Variants in CCDC39 observed in about 807,000 individuals in gnomAD.
The protein encoded by CCDC39 is coiled-coil domain-containing protein 39.
In CCDC39, 113 loss-of-function variants were observed where a neutral mutation model predicts 121.0. The observed-to-expected ratio is 0.93, with a 90% CI of 0.80 to 1.09. The LOEUF is 1.09. Among genes scored for constraint, CCDC39 ranks in the 50% least tolerant of loss-of-function variants. The probability of loss-of-function intolerance (pLI) is 0.00; values close to 1 mark genes in which losing one functional copy is unlikely to be tolerated. For missense variants in CCDC39, 1,063 were observed against 1,074.7 expected (o/e 0.99, Z 0.15); for synonymous variants, 349 against 352.2 (o/e 0.99, Z 0.10).
rs537284970 is a variant in CCDC39 at position 180,622,271 on chromosome 3, G to A, written c.1999-2301C>T. On this transcript the variant is annotated intron_variant, in intron 14 of 19. Transcript: ENST00000476379. Reference sequence around the variant, plus strand: ...TTTTTGTACCTTGATTTTGTATCCCGAAACTGCTGAATTCATTTATCCAAT... The same window carrying A: ...TTTTTGTACCTTGATTTTGTATCCCAAAACTGCTGAATTCATTTATCCAAT... 9.9e-5 allele frequency among the ~76,000 whole-genome samples: 15 copies of A among 152,046 alleles called. No individual in the cohort carries two copies. The East Asian group carries it at 1.7e-3, about 18-fold the overall frequency.
chr3:180,652,333 A>G (rs1711503308), intron 7 of CCDC39, 67 bp from the exon 8 acceptor site: 1 of 987,822 alleles, frequency 1.0e-6, no homozygotes, highest in Non-Finnish European at 1.4e-6. Context: ...TTCATTTCTG[A>G]GTTTTATTCT....
At chr3:180,623,306 A>G (rs1717477895) in intron 14 of CCDC39, among the ~76,000 whole-genome samples, 2 of 151,584 alleles carry the variant, frequency 1.3e-5, no homozygotes, top group Admixed American at 1.3e-4. Context: ...TTCAGTTGTA[A>G]TGTCTCCTTT....
At chr3:180,674,847 T>A (rs974678896) in intron 1 of CCDC39, among the ~76,000 whole-genome samples, 1 of 152,202 alleles carries the variant, frequency 6.6e-6, no homozygotes, top group Non-Finnish European at 1.5e-5. Context: ...TCATCGTGGA[T>A]AAGCTTTTCG....
chr3:180,649,711 TA>T (rs564644516), intron 9 of CCDC39, among the ~76,000 whole-genome samples: 6 of 148,302 alleles, frequency 4.0e-5, no homozygotes, highest in African/African-American at 9.7e-5. Context: ...ACAGCCCTGC[TA>T]AAAAAACAAT....
chr3:180,656,518 T>C (rs929781592), intron 6 of CCDC39, among the ~76,000 whole-genome samples: 1 of 152,142 alleles, frequency 6.6e-6, no homozygotes, highest in Non-Finnish European at 1.5e-5. Context: ...AGATAAAATA[T>C]TCCACCCTCC....
intron 14 of CCDC39, among the ~76,000 whole-genome samples, chr3:180,626,768 G>A (rs1039505676): frequency 2.2e-4 from 33 of 152,030 alleles, no homozygotes; most frequent in African/African-American, 6.0e-4. Context: ...TCACACCTCC[G>A]TCTCACAACA....
rs190676248 is a variant in CCDC39 at position 180,663,820 on chromosome 3, G to A, written c.210+47C>T. On this transcript the variant is annotated intron_variant, in intron 2 of 19. Coordinates refer to ENST00000476379, the MANE Select transcript of CCDC39 (RefSeq NM_181426.2). ...CGCAGATGTAAATATACTATGAGATGTTCCATGACTACACGATATAATCAA... is the reference window on the plus strand; with the variant it reads ...CGCAGATGTAAATATACTATGAGATATTCCATGACTACACGATATAATCAA... 2.1e-4 allele frequency: 339 copies of A among 1,579,458 alleles called. 2 individuals are homozygous for A. In the African/African-American group the frequency reaches 4.1e-3, roughly 19 times the overall value.
chr3:180,616,536 G>C lies in CCDC39; in HGVS notation c.2566C>G (p.Leu856Val), dbSNP rs1196039901. ...IEENTEIRII[L>V]QTYFQQSGLE... ...ATTACCTGTTGAAAGTATGTTTGAA[G>C]GATAATACGGATCTCAGTATTTTCT... is the stretch of plus-strand genomic sequence containing the variant. The change falls in exon 18 of 20, where the codon CTT becomes GTT. Residue 856 changes from leucine (L) to valine (V), a missense_variant. Coordinates refer to ENST00000476379, the MANE Select transcript of CCDC39 (RefSeq NM_181426.2). 1 of 1,572,674 alleles carries C rather than the reference G, an allele frequency of 6.4e-7. No homozygotes were observed. The highest frequency in any genetic ancestry group is 1.2e-5 in the South Asian group (1 of 83,112).
intron 6 of CCDC39, among the ~76,000 whole-genome samples, chr3:180,655,249 T>C (rs1348404049): frequency 6.6e-6 from 1 of 152,168 alleles, no homozygotes; most frequent in East Asian, 1.9e-4. Context: ...CCTACAAATG[T>C]AACAGTGTTG....
At chr3:180,646,455 T>C (rs983414043) in intron 11 of CCDC39, among the ~76,000 whole-genome samples, 1 of 152,098 alleles carries the variant, frequency 6.6e-6, no homozygotes, top group Non-Finnish European at 1.5e-5. Flanking sequence ...TTTTACTCTC[T>C]AGTCAAACTT....
Position 180,617,909 on chromosome 3 carries a change from C to T in CCDC39, c.2266-943G>A, listed in dbSNP as rs1326643256. 2.6e-5 allele frequency: 4 copies of T among 155,322 alleles called. No homozygotes were observed. The East Asian group carries it at 7.5e-4, about 29-fold the overall frequency. 9.6% of individuals were successfully genotyped at this position (155,322 alleles called of 1,614,324 possible). A position where few individuals can be genotyped will look rare whatever the true frequency, so the allele number is the denominator to read the frequency against. ...CACATTCTCTCACCACTCACTCACT[C>T]AGTCACTCACCCAGAGCAGCTTCCA... On this transcript the variant is annotated intron_variant, in intron 16 of 19. Transcript: ENST00000476379.
At chr3:180,674,224 T>G (rs897650927) in intron 1 of CCDC39, among the ~76,000 whole-genome samples, 22 of 152,202 alleles carry the variant, frequency 1.4e-4, no homozygotes, top group African/African-American at 5.3e-4. Context: ...CTAGATATTT[T>G]ATTCTCTTTG....
Position 180,679,190 on chromosome 3 carries a change from A to C in CCDC39, c.90+101T>G. ...GGAGTGTTAGAGGAAGCACAGGATT[A>C]GGAAAGGAGAGAAATAAAAGGGCTG... is the stretch of plus-strand genomic sequence containing the variant. On this transcript the variant is annotated intron_variant, in intron 1 of 19. Transcript: ENST00000476379. The surrounding 1 kb of genome is among the most constrained non-coding windows in gnomAD (Gnocchi z 4.0). 1 of 867,076 alleles carries C rather than the reference A, an allele frequency of 1.2e-6. No homozygotes were observed. The highest frequency in any genetic ancestry group is 2.4e-5 in the East Asian group (1 of 41,548). The allele number at this position is 867,076 out of a possible 1,614,324, so 53.7% of individuals were successfully genotyped here. A position where few individuals can be genotyped will look rare whatever the true frequency, so the allele number is the denominator to read the frequency against.
chr3:180,651,109 C>T (rs533192073), intron 9 of CCDC39, among the ~76,000 whole-genome samples: 41 of 151,996 alleles, frequency 2.7e-4, no homozygotes, highest in Admixed American at 5.2e-4. Flanking sequence ...GCAGGAGAAT[C>T]GCTTGAACTT....
chr3:180,678,528 G>C (rs182402439), intron 1 of CCDC39, among the ~76,000 whole-genome samples: 1 of 151,930 alleles, frequency 6.6e-6, no homozygotes, highest in East Asian at 1.9e-4. Context: ...GTAGAGACGC[G>C]GTGGGAGGGG....
rs753833834 is a variant in CCDC39, at chr3:180,619,833, A to AGAT, written c.2133_2135dup (p.Ser712dup). 2.5e-6 allele frequency: 4 copies of AGAT among 1,596,698 alleles called. No homozygotes were observed. In the South Asian group the frequency reaches 4.5e-5, roughly 18 times the overall value. Reference sequence around the variant, plus strand: ...TACTAGATGGAGTCACTTTTTTAAAAGATTGCTTATAATTGTTGTTACAGC... The same window carrying AGAT: ...TACTAGATGGAGTCACTTTTTTAAAAGATGATTGCTTATAATTGTTGTTACAGC... On this transcript the variant is annotated inframe_insertion, in exon 15 of 20. Coordinates refer to ENST00000476379, the MANE Select transcript of CCDC39 (RefSeq NM_181426.2).
At chr3:180,636,276 G>A (rs761835847) in intron 13 of CCDC39, among the ~76,000 whole-genome samples, 2 of 152,124 alleles carry the variant, frequency 1.3e-5, no homozygotes, top group Non-Finnish European at 1.5e-5. Context: ...CAAAATCAAC[G>A]TATAAAAATT....
At chr3:180,636,519 TAC>T (rs1278373750) in intron 13 of CCDC39, among the ~76,000 whole-genome samples, 1 of 152,194 alleles carries the variant, frequency 6.6e-6, no homozygotes, top group African/African-American at 2.4e-5. Flanking sequence ...CAAAGCAATT[TAC>T]AGATTCAATG....
chr3:180,629,521 C>T (rs1408030628), intron 14 of CCDC39, among the ~76,000 whole-genome samples: 1 of 152,224 alleles, frequency 6.6e-6, no homozygotes, highest in Non-Finnish European at 1.5e-5. Context: ...AAAATGCCAA[C>T]ACCTTGGTAT....
Sources: gnomAD v4.1 joint callset for allele counts (sites outside exome capture counted in the v4.1 genomes callset) on GRCh38, gnomAD v4.1.1 for gene constraint, Gnocchi (gnomAD v3.1) non-coding constraint, MANE v1.5 for transcripts, NCBI Gene and HGNC (gene_info 2026-07-23, HGNC 2026-07-21) for gene names.